LARGE1: variants seen among roughly 807,000 people sequenced by gnomAD.
LARGE1 encodes xylosyl- and glucuronyltransferase LARGE1.
Under a neutral mutation model 87.6 loss-of-function variants are expected in LARGE1, and 43 were observed. The observed-to-expected ratio is 0.49, with a 90% CI of 0.38 to 0.63. The LOEUF (loss-of-function observed/expected upper bound fraction) is 0.63. Among genes scored for constraint, LARGE1 ranks in the 30% least tolerant of loss-of-function variants. The pLI is 0.00. For synonymous variants in LARGE1, 434 were observed against 394.6 expected (o/e 1.10, Z -1.18); for missense variants, 802 against 1,000.2 (o/e 0.80, Z 2.67).
intron 12 of LARGE1, among the ~76,000 whole-genome samples, chr22:33,286,488 G>C (rs895329696): frequency 4.6e-5 from 7 of 152,300 alleles, no homozygotes; most frequent in Admixed American, 6.5e-5. Context: ...CAATCACCCA[G>C]CACCTATGAT....
chr22:33,076,111 AAACTCATTTTC>A, the LARGE1 span, among the ~76,000 whole-genome samples: 1 of 152,220 alleles, frequency 6.6e-6, no homozygotes, highest in Non-Finnish European at 1.5e-5. Context: ...CCTGACCTTG[AAACTCATTTTC>A]AACCCATGAC....
At chr22:33,746,671 T>C (rs2084098166) in intron 2 of LARGE1, among the ~76,000 whole-genome samples, 1 of 152,200 alleles carries the variant, frequency 6.6e-6, no homozygotes, top group Non-Finnish European at 1.5e-5. Flanking sequence ...TAATAAATGA[T>C]TAACAGAAGT....
At chr22:33,275,752 G>C (rs920640896) in intron 14 of LARGE1, among the ~76,000 whole-genome samples, 3 of 152,168 alleles carry the variant, frequency 2.0e-5, no homozygotes, top group Non-Finnish European at 2.9e-5. Context: ...CAAGAATTCT[G>C]TCAAAACTGT....
chr22:33,489,373 G>A (rs867907833), intron 6 of LARGE1, among the ~76,000 whole-genome samples: 17 of 152,124 alleles, frequency 1.1e-4, no homozygotes, highest in South Asian at 2.1e-4. Flanking sequence ...TTCACTATGC[G>A]CAGGGCAGTG....
intron 7 of LARGE1, among the ~76,000 whole-genome samples, chr22:33,391,091 C>T (rs1601677539): frequency 6.6e-6 from 1 of 152,130 alleles, no homozygotes; most frequent in African/African-American, 2.4e-5. Context: ...TCGGCCTCCC[C>T]AAGTGTTGCA....
intron 2 of LARGE1, among the ~76,000 whole-genome samples, chr22:33,658,468 G>T (rs1184655959): frequency 1.3e-5 from 2 of 152,094 alleles, no homozygotes; most frequent in Non-Finnish European, 2.9e-5. Context: ...AGGCCCCAGT[G>T]TGTGTTGTTC....
At position 33,785,052 on chromosome 22, in the gene LARGE1, C is replaced by T. The variant is rs371146463; in HGVS notation, c.-82-23494G>A. Among the ~76,000 whole-genome samples the T allele has an allele frequency of 3.4e-5, 5 of 145,706 alleles. No individual in the cohort carries two copies. In the East Asian group the frequency reaches 6.3e-4, roughly 18 times the overall value. On this transcript the variant is annotated intron_variant, in intron 1 of 14. Transcript: ENST00000397394. ...GTATATACATATATGTGTATACATA[C>T]ATGTGTATATAGATATATGTGTATA...
At chr22:33,260,505 C>G (rs1927567694) in intron 11 of LARGE1, among the ~76,000 whole-genome samples, 1 of 152,174 alleles carries the variant, frequency 6.6e-6, no homozygotes, top group Admixed American at 6.5e-5. Flanking sequence ...TCTTATGTCA[C>G]CTTCTCGACC....
At chr22:33,532,294 T>C (rs909233228) in intron 6 of LARGE1, among the ~76,000 whole-genome samples, 7 of 152,242 alleles carry the variant, frequency 4.6e-5, no homozygotes, top group African/African-American at 1.7e-4. Context: ...GAGAAATTTT[T>C]GGAGGCTACG....
the LARGE1 span, among the ~76,000 whole-genome samples, chr22:33,123,356 T>A: frequency 1.6e-4 from 22 of 136,914 alleles, no homozygotes; most frequent in African/African-American, 5.6e-4. Context: ...GACTCAGTGT[T>A]GCCATGGAAA....
chr22:33,790,373 T>C (rs1420742723), intron 1 of LARGE1, among the ~76,000 whole-genome samples: 1 of 152,180 alleles, frequency 6.6e-6, no homozygotes, highest in Non-Finnish European at 1.5e-5. Flanking sequence ...CTAATACACC[T>C]GGCATAGCAA....
At chr22:33,489,674 C>G (rs1420896441) in intron 6 of LARGE1, among the ~76,000 whole-genome samples, 1 of 152,084 alleles carries the variant, frequency 6.6e-6, no homozygotes, top group African/African-American at 2.4e-5. Flanking sequence ...GCCTCCCCAG[C>G]CATGTGGAAC....
chr22:33,182,975 A>G (rs1923253251), intron 11 of LARGE1, among the ~76,000 whole-genome samples: 1 of 152,186 alleles, frequency 6.6e-6, no homozygotes. Flanking sequence ...GATTATATCA[A>G]ACTAAGAATC....
At chr22:33,699,727 T>C (rs2082351917) in intron 2 of LARGE1, among the ~76,000 whole-genome samples, 1 of 152,056 alleles carries the variant, frequency 6.6e-6, no homozygotes, top group African/African-American at 2.4e-5. Context: ...TCAATAAGCA[T>C]AAAAGAAAGA....
At chr22:33,122,338 TTTTTC>T in the LARGE1 span, among the ~76,000 whole-genome samples, 5 of 151,280 alleles carry the variant, frequency 3.3e-5, no homozygotes, top group African/African-American at 7.3e-5. Context: ...CTAGAGTCTT[TTTTTC>T]TTTTCTTTTC....
At chr22:33,326,205 C>T (rs923782548) in intron 10 of LARGE1, among the ~76,000 whole-genome samples, 7 of 152,162 alleles carry the variant, frequency 4.6e-5, no homozygotes, top group Non-Finnish European at 8.8e-5. Flanking sequence ...TCTGCCCAGC[C>T]CTGACCTCGA....
At chr22:33,844,819 C>G (rs2146449699) in intron 1 of LARGE1, among the ~76,000 whole-genome samples, 1 of 151,802 alleles carries the variant, frequency 6.6e-6, no homozygotes, top group South Asian at 2.1e-4. Flanking sequence ...CTCCCGGGCT[C>G]AAGAGATTCT....
chr22:33,772,700 T>C (rs2085108598), intron 1 of LARGE1, among the ~76,000 whole-genome samples: 1 of 151,842 alleles, frequency 6.6e-6, no homozygotes, highest in African/African-American at 2.4e-5. Context: ...ACTCATCAAA[T>C]TTCTAAATTA....
intron 6 of LARGE1, among the ~76,000 whole-genome samples, chr22:33,514,217 T>C (rs1447930746): frequency 6.6e-6 from 1 of 151,810 alleles, no homozygotes; most frequent in Non-Finnish European, 1.5e-5. Flanking sequence ...CTGTGGATAC[T>C]GAGGGATGAC....
Sources: gnomAD v4.1 joint callset for allele counts (sites outside exome capture counted in the v4.1 genomes callset) on GRCh38, gnomAD v4.1.1 for gene constraint, MANE v1.5 for transcripts, NCBI Gene and HGNC (gene_info 2026-07-23, HGNC 2026-07-21) for gene names.